WWP2: variants seen among roughly 807,000 people sequenced by gnomAD.
WWP2 encodes WW domain containing E3 ubiquitin protein ligase 2.
A neutral mutation model predicts 121.0 loss-of-function variants in WWP2; 57 were observed. The observed-to-expected ratio is 0.47, with a 90% CI of 0.38 to 0.59. The LOEUF is 0.59. Ranked by LOEUF, WWP2 falls within the 20% of genes least tolerant of loss-of-function variation. The pLI is 0.00. For synonymous variants in WWP2, 449 were observed against 441.3 expected (o/e 1.02, Z -0.22); for missense variants, 962 against 1,158.9 (o/e 0.83, Z 2.47).
At chr16:69,920,172 A>T (rs1055983954) in intron 10 of WWP2, among the ~76,000 whole-genome samples, 1 of 152,096 alleles carries the variant, frequency 6.6e-6, no homozygotes, top group Admixed American at 6.5e-5. Context: ...GTGGGGATGG[A>T]TTGCTCATTG....
At chr16:69,888,709 C>CA (rs1555500279) in intron 8 of WWP2, among the ~76,000 whole-genome samples, 3 of 144,674 alleles carry the variant, frequency 2.1e-5, no homozygotes, top group Non-Finnish European at 4.6e-5. Flanking sequence ...TCTTGCCATC[C>CA]TTTTTTTTTT....
intron 1 of WWP2, among the ~76,000 whole-genome samples, chr16:69,785,101 C>G (rs969905302): frequency 2.0e-5 from 3 of 151,762 alleles, no homozygotes; most frequent in African/African-American, 7.3e-5. Flanking sequence ...CCAGGTGGTG[C>G]TGGTGCCTCT....
At chr16:69,895,627 G>C (rs952591890) in intron 8 of WWP2, among the ~76,000 whole-genome samples, 3 of 152,156 alleles carry the variant, frequency 2.0e-5, no homozygotes, top group Admixed American at 6.6e-5. Flanking sequence ...AACATCAGCT[G>C]TGTGCACCTG....
chr16:69,890,038 T>C (rs2057997727), intron 8 of WWP2, among the ~76,000 whole-genome samples: 1 of 152,046 alleles, frequency 6.6e-6, no homozygotes, highest in Non-Finnish European at 1.5e-5. Context: ...CACTGCAGCC[T>C]TGACTTCCTG....
At chr16:69,891,260 G>A (rs537449639) in intron 8 of WWP2, among the ~76,000 whole-genome samples, 1 of 152,282 alleles carries the variant, frequency 6.6e-6, no homozygotes, top group East Asian at 1.9e-4. Flanking sequence ...GGAGATCCAG[G>A]CAAGGCGGGT....
At chr16:69,887,452 C>CTGGA (rs528950684) in intron 7 of WWP2, among the ~76,000 whole-genome samples, 64 of 152,180 alleles carry the variant, frequency 4.2e-4, no homozygotes, top group Middle Eastern at 3.4e-3. Flanking sequence ...TTTTGCAAGG[C>CTGGA]TGGAGTGCAG....
intron 4 of WWP2, among the ~76,000 whole-genome samples, chr16:69,833,788 T>C (rs2056830514): frequency 6.6e-6 from 1 of 152,244 alleles, no homozygotes; most frequent in East Asian, 1.9e-4. Context: ...AGACTTCCTC[T>C]AGCCATGCTC....
intron 4 of WWP2, among the ~76,000 whole-genome samples, chr16:69,813,690 A>C (rs1055823227): frequency 2.6e-5 from 4 of 151,994 alleles, no homozygotes; most frequent in Non-Finnish European, 5.9e-5. Context: ...GCTGGTCTTA[A>C]ACTTTTGGGC....
intron 1 of WWP2, among the ~76,000 whole-genome samples, chr16:69,773,398 C>G (rs984328489): frequency 6.6e-6 from 1 of 152,130 alleles, no homozygotes; most frequent in South Asian, 2.1e-4. Flanking sequence ...GGGCTGATCT[C>G]GAACTCTTGA....
intron 4 of WWP2, among the ~76,000 whole-genome samples, chr16:69,831,710 C>G (rs186639482): frequency 2.6e-4 from 40 of 151,900 alleles, no homozygotes; most frequent in African/African-American, 9.4e-4. Flanking sequence ...AACAGCTTGA[C>G]TGATGTGTCT....
chr16:69,784,400 G>A (rs1321957280), intron 1 of WWP2, among the ~76,000 whole-genome samples: 1 of 152,040 alleles, frequency 6.6e-6, no homozygotes, highest in Admixed American at 6.6e-5. Context: ...GTGCCTGGCC[G>A]AAATTATTTT....
intron 4 of WWP2, among the ~76,000 whole-genome samples, chr16:69,812,680 G>A (rs2056417935): frequency 6.6e-6 from 1 of 151,962 alleles, no homozygotes; most frequent in African/African-American, 2.4e-5. Context: ...TCAACTTGGG[G>A]CTGTCTGCTT....
chr16:69,934,334 G>A (rs1463296471), intron 17 of WWP2, among the ~76,000 whole-genome samples: 1 of 152,090 alleles, frequency 6.6e-6, no homozygotes, highest in Non-Finnish European at 1.5e-5. Flanking sequence ...TCACCCTCTC[G>A]GGGCTCCACC....
At chr16:69,783,141 CTGGGATTACAGGTGCG>C (rs1415207818) in intron 1 of WWP2, 1 of 151,954 alleles carries the variant, frequency 6.6e-6, no homozygotes, top group Non-Finnish European at 1.5e-5. Context: ...CTCCGGATAC[CTGGGATTACAGGTGCG>C]TGCCACCATG....
Position 69,917,764 on chromosome 16 carries a change from C to T in WWP2, c.1060C>T (p.Arg354Trp), listed in dbSNP as rs773413103. The change falls in exon 10 of 24, where the codon CGG becomes TGG. Residue 354 changes from arginine (R) to tryptophan (W), a missense_variant. This residue lies in a region of WWP2 where 606 missense variants were observed against 772.6 expected (regional missense o/e 0.78). Transcript: ENST00000359154. ...GTTTTACTATGTGGATCACAATACTCGGACCACCACCTGGCAGCGTCCGAC... is the reference window on the plus strand; with the variant it reads ...GTTTTACTATGTGGATCACAATACTTGGACCACCACCTGGCAGCGTCCGAC... ...GRFYYVDHNT[R>W]TTTWQRPTAE... The T allele has an allele frequency of 6.2e-6, 10 of 1,613,694 alleles. No individual in the cohort carries two copies. Among genetic ancestry groups the T allele is most frequent in the South Asian group, 3.3e-5 (3 of 91,078 alleles).
At chr16:69,805,118 C>T (rs1015395491) in intron 4 of WWP2, among the ~76,000 whole-genome samples, 2 of 151,634 alleles carry the variant, frequency 1.3e-5, no homozygotes, top group Non-Finnish European at 2.9e-5. Context: ...TGGCTCACTG[C>T]AATCTCCACC....
intron 6 of WWP2, among the ~76,000 whole-genome samples, chr16:69,862,665 A>G (rs1275493826): frequency 6.6e-6 from 1 of 150,418 alleles, no homozygotes; most frequent in Non-Finnish European, 1.5e-5. Context: ...TTACCAAGAT[A>G]GAAAAGTATG....
intron 4 of WWP2, among the ~76,000 whole-genome samples, chr16:69,830,518 A>T (rs1191958393): frequency 6.6e-6 from 1 of 152,208 alleles, no homozygotes. Context: ...TAATTTAGCA[A>T]TGATAAAGGG....
At chr16:69,931,739 C>G (rs919862656) in intron 15 of WWP2, 63 bp from the exon 16 acceptor site, 108 of 1,593,904 alleles carry the variant, frequency 6.8e-5, no homozygotes, top group Non-Finnish European at 8.9e-5. Context: ...TCCCCTGTCC[C>G]TCCCGCCCCT....
Sources: gnomAD v4.1 joint callset for allele counts (sites outside exome capture counted in the v4.1 genomes callset) on GRCh38, gnomAD v4.1.1 for gene constraint, gnomAD v4.1.1 regional missense constraint, MANE v1.5 for transcripts, NCBI Gene and HGNC (gene_info 2026-07-23, HGNC 2026-07-21) for gene names.